The following PRCC variants were observed in gnomAD, a reference collection of about 807,000 sequenced individuals.
PRCC encodes the protein proline-rich protein PRCC.
Under a neutral mutation model 44.0 loss-of-function variants are expected in PRCC, and 10 were observed. The observed-to-expected ratio is 0.23, with a 90% confidence interval of 0.14 to 0.39. The LOEUF (loss-of-function observed/expected upper bound fraction) is 0.39, where lower values mean the gene tolerates loss of function less well. PRCC is among the 10% of genes least tolerant of loss of function. The pLI is 1.00. For synonymous variants in PRCC, 278 were observed against 259.5 expected (o/e 1.07, Z -0.69); for missense variants, 573 against 624.7 (o/e 0.92, Z 0.88).
intron 4 of PRCC, among the ~76,000 whole-genome samples, chr1:156,792,477 T>A (rs1441791344): frequency 6.6e-6 from 1 of 152,164 alleles, no homozygotes; most frequent in Non-Finnish European, 1.5e-5. Context: ...GAGCAGAGTC[T>A]TGCTTTGTCG....
intron 1 of PRCC, among the ~76,000 whole-genome samples, chr1:156,775,228 G>T (rs61816270): frequency 6.6e-6 from 1 of 151,840 alleles, no homozygotes; most frequent in Non-Finnish European, 1.5e-5. Flanking sequence ...AGCCTGGGCT[G>T]CAGAGGGAGG....
chr1:156,776,344 T>G (rs1409338457), intron 1 of PRCC, among the ~76,000 whole-genome samples: 2 of 152,222 alleles, frequency 1.3e-5, no homozygotes, highest in African/African-American at 4.8e-5. Flanking sequence ...TACTCCAGCC[T>G]GGGCACAACA....
intron 1 of PRCC, among the ~76,000 whole-genome samples, chr1:156,776,305 G>A (rs1214509743): frequency 6.6e-6 from 1 of 152,222 alleles, no homozygotes; most frequent in Non-Finnish European, 1.5e-5. Flanking sequence ...AGGAGTTTGA[G>A]GTTACAGTGA....
At chr1:156,793,058 T>A (rs1339771129) in intron 4 of PRCC, among the ~76,000 whole-genome samples, 5 of 152,226 alleles carry the variant, frequency 3.3e-5, no homozygotes, top group Admixed American at 6.5e-5. Flanking sequence ...AGGAGGGATC[T>A]GCAGAAATAG....
At chr1:156,774,824 T>A (rs1412488999) in intron 1 of PRCC, among the ~76,000 whole-genome samples, 1 of 151,324 alleles carries the variant, frequency 6.6e-6, no homozygotes, top group Non-Finnish European at 1.5e-5. Context: ...TGGTGGCGCA[T>A]ACCTGTAATC....
intron 5 of PRCC, chr1:156,795,946 C>G (rs1307209597): frequency 1.3e-5 from 2 of 152,350 alleles, no homozygotes; most frequent in East Asian, 3.9e-4. Context: ...ATTTTGTTCC[C>G]TTTTCCTCCC....
chr1:156,784,063 C>T (rs1652147031), intron 2 of PRCC, among the ~76,000 whole-genome samples: 1 of 151,950 alleles, frequency 6.6e-6, no homozygotes, highest in South Asian at 2.1e-4. Context: ...TCTCCTGCCT[C>T]AGCCTCCAGA....
At chr1:156,774,200 G>A (rs35338310) in intron 1 of PRCC, among the ~76,000 whole-genome samples, 4 of 75,514 alleles carry the variant, frequency 5.3e-5, no homozygotes, top group African/African-American at 2.0e-4. Flanking sequence ...TTTTGAGACA[G>A]AGTCTCTCTG....
intron 1 of PRCC, among the ~76,000 whole-genome samples, chr1:156,771,263 A>G (rs1182418187): frequency 6.6e-6 from 1 of 151,888 alleles, no homozygotes; most frequent in Non-Finnish European, 1.5e-5. Flanking sequence ...GAATGGGGCT[A>G]GAGAGAGAGA....
intron 1 of PRCC, among the ~76,000 whole-genome samples, chr1:156,771,683 G>GTTTTTTTT (rs11403707): frequency 7.4e-6 from 1 of 135,942 alleles, no homozygotes; most frequent in Non-Finnish European, 1.6e-5. Flanking sequence ...TAGTTTAAAT[G>GTTTTTTTT]TTTTTTTTTT....
chr1:156,795,285 G>GTGTT (rs1652623570), intron 5 of PRCC, among the ~76,000 whole-genome samples: 1 of 36,056 alleles, frequency 2.8e-5, no homozygotes, highest in African/African-American at 1.4e-4. Flanking sequence ...ATTTTCTGGT[G>GTGTT]TTTTTTTTTT....
At chr1:156,790,299 T>C (rs1056629581) in intron 3 of PRCC, among the ~76,000 whole-genome samples, 60 of 152,248 alleles carry the variant, frequency 3.9e-4, no homozygotes, top group African/African-American at 1.4e-3. Context: ...AGAGATAGTA[T>C]ATCTGCCCTT....
intron 1 of PRCC, among the ~76,000 whole-genome samples, chr1:156,771,143 G>A (rs115256226): frequency 6.6e-6 from 1 of 152,292 alleles, no homozygotes; most frequent in African/African-American, 2.4e-5. Flanking sequence ...GCACAGCAGA[G>A]GAAACAATGT....
chr1:156,780,052 A>T (rs1390536217), intron 1 of PRCC, among the ~76,000 whole-genome samples: 1 of 150,816 alleles, frequency 6.6e-6, no homozygotes, highest in Admixed American at 6.6e-5. Context: ...TAACTTTTGT[A>T]TTTTTATTTA....
At chr1:156,773,246 G>A (rs754104317) in intron 1 of PRCC, among the ~76,000 whole-genome samples, 2 of 152,130 alleles carry the variant, frequency 1.3e-5, no homozygotes, top group Non-Finnish European at 2.9e-5. Context: ...TTTTTGGAGA[G>A]GGAGTGTCTC....
chr1:156,793,824 C>T (rs535544711), intron 4 of PRCC, among the ~76,000 whole-genome samples: 3 of 152,026 alleles, frequency 2.0e-5, no homozygotes, highest in Admixed American at 6.6e-5. Context: ...GATGGGGTCT[C>T]ACTTTATTGC....
rs553010938 is a variant in PRCC, at chr1:156,767,746, A to G, written c.-26A>G. 4 of 1,563,736 alleles carry G rather than the reference A, an allele frequency of 2.6e-6. No homozygotes were observed. In the African/African-American group the frequency reaches 4.1e-5, roughly 16 times the overall value. ...CTCAAGTAGGCCTCATCTGCCGGCA[A>G]GGGCGCCCGAAACGCGGGAGGCGCC... On this transcript the variant is annotated 5_prime_UTR_variant, in exon 1 of 7. Transcript: ENST00000271526.
chr1:156,784,446 T>C (rs768050250), intron 2 of PRCC, among the ~76,000 whole-genome samples: 2 of 152,208 alleles, frequency 1.3e-5, no homozygotes, highest in African/African-American at 2.4e-5. Flanking sequence ...AGAGGAATTC[T>C]GAGCTCTTAA....
chr1:156,788,049 T>C (rs1652339170), intron 3 of PRCC, among the ~76,000 whole-genome samples: 1 of 152,110 alleles, frequency 6.6e-6, no homozygotes. Flanking sequence ...TTGGCCAGGG[T>C]GGTCTCAAAC....
Sources: gnomAD v4.1 joint callset for allele counts (sites outside exome capture counted in the v4.1 genomes callset) on GRCh38, gnomAD v4.1.1 for gene constraint, MANE v1.5 for transcripts, NCBI Gene and HGNC (gene_info 2026-07-23, HGNC 2026-07-21) for gene names.